Variants in CCDC32 observed in about 807,000 individuals in gnomAD.
CCDC32 encodes coiled-coil domain-containing protein 32.
CCDC32 carries 9 observed loss-of-function variants against 20.1 expected under a neutral mutation model. That is an observed-to-expected ratio of 0.45 (90% CI 0.27 to 0.78). The LOEUF is 0.78. Among genes scored for constraint, CCDC32 ranks in the 30% least tolerant of loss-of-function variants. CCDC32 has a pLI of 0.16. For synonymous variants in CCDC32, 63 were observed against 79.0 expected (o/e 0.80, Z 1.07); for missense variants, 204 against 215.5 (o/e 0.95, Z 0.33).
downstream of CCDC32, among the ~76,000 whole-genome samples, chr15:40,533,646 G>C (rs1888981964): frequency 6.6e-6 from 1 of 152,078 alleles, no homozygotes; most frequent in South Asian, 2.1e-4. Flanking sequence ...CCTGGCCATT[G>C]TCCTGCATTG....
chr15:40,557,102 TA>T, intron 3 of CCDC32, 113 bp downstream of exon 3: 1 of 1,246,494 alleles, frequency 8.0e-7, no homozygotes, highest in Non-Finnish European at 1.1e-6. Context: ...GTAGCTGCAG[TA>T]TTTGCCTTTT....
intron 3 of CCDC32, among the ~76,000 whole-genome samples, chr15:40,544,071 T>C (rs1889512965): frequency 6.6e-6 from 1 of 152,158 alleles, no homozygotes; most frequent in Non-Finnish European, 1.5e-5. Context: ...CAATCCTCTT[T>C]CACTTCCCAT....
At chr15:40,551,872 G>A (rs1889889603), downstream of CCDC32, among the ~76,000 whole-genome samples, 1 of 148,890 alleles carries the variant, frequency 6.7e-6, no homozygotes. Context: ...AGAGGAAAGG[G>A]CCAGGCATGG....
At chr15:40,539,881 C>CACACACACACACACAA (rs1491175376) in intron 3 of CCDC32, among the ~76,000 whole-genome samples, 1 of 147,850 alleles carries the variant, frequency 6.8e-6, no homozygotes, top group Non-Finnish European at 1.5e-5. Context: ...CACACACACA[C>CACACACACACACACAA]CCCGCTCCTT....
intron 3 of CCDC32, among the ~76,000 whole-genome samples, chr15:40,543,493 C>T (rs1012614198): frequency 3.9e-5 from 6 of 152,130 alleles, no homozygotes; most frequent in African/African-American, 1.2e-4. Flanking sequence ...CCCACTCTGT[C>T]GCCCAGGCTG....
chr15:40,537,474 C>T (rs1374690032), downstream of CCDC32: 1 of 152,280 alleles, frequency 6.6e-6, no homozygotes, highest in Non-Finnish European at 1.5e-5. Context: ...TTCCTGTCTC[C>T]TACCCCTTGC....
intron 3 of CCDC32, among the ~76,000 whole-genome samples, chr15:40,540,398 C>T (rs1463365690): frequency 2.3e-4 from 34 of 144,802 alleles, no homozygotes; most frequent in African/African-American, 8.3e-4. Flanking sequence ...GGTGGCGTCT[C>T]GCTCTGTTGT....
At chr15:40,557,666 C>A (rs1890338864) in intron 2 of CCDC32, 1 of 259,976 alleles carries the variant, frequency 3.8e-6, no homozygotes, top group African/African-American at 2.2e-5. Context: ...TCACGTAAGC[C>A]CAGCAGGTAT....
In CCDC32 at chr15:40,553,969, A is replaced by AGTGTGTGTG. The variant is rs1890057613; in HGVS notation, c.*1_*2insCACACACAC. On this transcript the variant is annotated 3_prime_UTR_variant, in exon 4 of 4. Transcript: ENST00000416810. ...GTGTGTGTGTGTGTGTGTGTGTGTA[A>AGTGTGTGTG]TTTACTGTTCTGCTGCTGCTGGCTT... 1 of 1,531,466 alleles carries AGTGTGTGTG rather than the reference A, an allele frequency of 6.5e-7. No homozygotes were observed. The highest frequency in any genetic ancestry group is 1.6e-5 in the African/African-American group (1 of 60,954). 94.9% of individuals were successfully genotyped at this position (1,531,466 alleles called of 1,614,324 possible).
intron 2 of CCDC32, among the ~76,000 whole-genome samples, 186 bp downstream of exon 2, chr15:40,562,586 A>C (rs562176673): frequency 8.7e-4 from 133 of 152,308 alleles, no homozygotes; most frequent in African/African-American, 3.1e-3. Context: ...CAAAAAATTA[A>C]AAATAAAAAT....
intron 3 of CCDC32, chr15:40,556,846 A>AT (rs1890273574): frequency 1.3e-5 from 2 of 158,828 alleles, no homozygotes; most frequent in African/African-American, 4.8e-5. Flanking sequence ...TCAAAAAAAA[A>AT]AAAAAAAAAT....
chr15:40,551,809 C>CAAAAAAAAAAAAAAAAA (rs59499493), downstream of CCDC32, among the ~76,000 whole-genome samples: 1 of 96,386 alleles, frequency 1.0e-5, no homozygotes, highest in African/African-American at 4.5e-5. Flanking sequence ...GACCCTGTCT[C>CAAAAAAAAAAAAAAAAA]AAAAAAAAAA....
chr15:40,535,277 C>T (rs965390932), downstream of CCDC32: 5 of 1,343,122 alleles, frequency 3.7e-6, no homozygotes, highest in African/African-American at 7.4e-5. Flanking sequence ...AATGAAACAG[C>T]CCAAACTGTA....
intron 3 of CCDC32, among the ~76,000 whole-genome samples, chr15:40,545,337 TACACACACAC>T (rs142645644): frequency 2.0e-5 from 3 of 150,614 alleles, no homozygotes; most frequent in African/African-American, 4.9e-5. Context: ...TCTGCACACA[TACACACACAC>T]ACACACACAA....
downstream of CCDC32, among the ~76,000 whole-genome samples, chr15:40,548,421 T>G (rs1413465379): frequency 6.6e-6 from 1 of 152,170 alleles, no homozygotes; most frequent in African/African-American, 2.4e-5. Context: ...TACTTAAAAA[T>G]TAGCTACTTA....
chr15:40,524,180 G>A (rs1015312779), downstream of CCDC32, among the ~76,000 whole-genome samples: 2 of 125,734 alleles, frequency 1.6e-5, no homozygotes, highest in African/African-American at 3.0e-5. Context: ...TTTTTGAGAC[G>A]GGAGTCTGGC....
chr15:40,553,788 G>A lies in CCDC32; in HGVS notation c.*183C>T, dbSNP rs1225662241. 14 of 1,397,678 alleles carry A rather than the reference G, an allele frequency of 1.0e-5. No homozygotes were observed. The highest frequency in any genetic ancestry group is 1.3e-5 in the Non-Finnish European group (14 of 1,077,508). 86.6% of individuals were successfully genotyped at this position (1,397,678 alleles called of 1,614,324 possible). ...GCCAGCCCCAGGTAAGTCCCTGGGG[G>A]CTTGCAGCTGTTTTCTTTGTGGAGT... is the stretch of plus-strand genomic sequence containing the variant. On this transcript the variant is annotated 3_prime_UTR_variant, in exon 4 of 4. Coordinates refer to ENST00000416810, the MANE Select transcript of CCDC32 (RefSeq NM_001080792.4).
chr15:40,527,049 C>CAA (rs1344327946), downstream of CCDC32, among the ~76,000 whole-genome samples: 1 of 152,196 alleles, frequency 6.6e-6, no homozygotes, highest in East Asian at 1.9e-4. Context: ...CTCCCAGGTT[C>CAA]AAATGATCCT....
At chr15:40,557,501 G>T in intron 2 of CCDC32, 129 bp from the exon 3 acceptor site, 1 of 892,126 alleles carries the variant, frequency 1.1e-6, no homozygotes, top group Non-Finnish European at 1.6e-6. Flanking sequence ...TGCCAAAGAG[G>T]TCATTTTTTA....
Sources: gnomAD v4.1 joint callset for allele counts (sites outside exome capture counted in the v4.1 genomes callset) on GRCh38, gnomAD v4.1.1 for gene constraint, MANE v1.5 for transcripts, NCBI Gene and HGNC (gene_info 2026-07-23, HGNC 2026-07-21) for gene names.